The following SPTBN5 variants were observed in gnomAD, a reference collection of about 807,000 sequenced individuals.
SPTBN5 encodes spectrin beta, non-erythrocytic 5, also known as spectrin beta chain, non-erythrocytic 5.
Under a neutral mutation model 477.6 loss-of-function variants are expected in SPTBN5, and 513 were observed. The ratio of observed to expected loss-of-function variants is 1.07; its 90% CI spans 1.00 to 1.16. The LOEUF (loss-of-function observed/expected upper bound fraction) is 1.16, where lower values mean the gene tolerates loss of function less well. Among genes scored for constraint, SPTBN5 ranks in the 50% most tolerant of loss-of-function variants. SPTBN5 has a pLI of 0.00. For missense variants in SPTBN5, 5,062 were observed against 4,731.8 expected (o/e 1.07, Z -2.05); for synonymous variants, 2,169 against 2,011.7 (o/e 1.08, Z -2.09).
At position 41,857,378 on chromosome 15, in the gene SPTBN5, G is replaced by T; in HGVS notation, c.8481C>A (p.Gly2827=). The stretch of plus-strand genomic sequence containing the variant: ...CTGCTGCCTCCAGCTCCCTCTGTGT[G>T]CCCAGGAGCTCGCCCACCCCAGGCA... ...QALPGVGELL[G]TQRELEAAVD... is the part of the protein sequence containing the mutation. The change falls in exon 51 of 68, where the codon GGC becomes GGA. Residue 2827 remains glycine, a synonymous_variant. Coordinates refer to ENST00000320955, the MANE Select transcript of SPTBN5 (RefSeq NM_016642.4). 2 of 1,579,980 alleles carry T rather than the reference G, an allele frequency of 1.3e-6. No individual in the cohort carries two copies. Among genetic ancestry groups the T allele is most frequent in the Non-Finnish European group, 1.7e-6 (2 of 1,163,020 alleles).
At position 41,861,756 on chromosome 15, in the gene SPTBN5, C is replaced by T; in HGVS notation, c.7716G>A (p.Leu2572=). The change falls in exon 45 of 68, where the codon CTG becomes CTA. Residue 2572 remains leucine (L), a synonymous_variant. Transcript: ENST00000320955. ...CTGCCTGTAGCTCCAGGGCCTGCTG[C>T]AGCTGTAGCTGATGCTCCTGCCAGG... is the stretch of plus-strand genomic sequence containing the variant. ...EGAWQEHQLQ[L]QQALELQLFL... is the part of the protein sequence containing the mutation. 2 of 1,549,584 alleles carry T rather than the reference C, an allele frequency of 1.3e-6. No individual in the cohort carries two copies. Among genetic ancestry groups the T allele is most frequent in the Non-Finnish European group, 1.7e-6 (2 of 1,151,364 alleles).
chr15:41,877,018 C>T, intron 18 of SPTBN5, 70 bp from the exon 19 acceptor site: 1 of 1,587,402 alleles, frequency 6.3e-7, no homozygotes, highest in Non-Finnish European at 8.6e-7. Context: ...CGCCACTGCC[C>T]CAGGGGCCTC....
chr15:41,878,297 C>G, intron 17 of SPTBN5, 45 bp downstream of exon 17: 1 of 1,595,594 alleles, frequency 6.3e-7, no homozygotes, highest in East Asian at 2.2e-5. Flanking sequence ...GCCCAGAGCC[C>G]TGGTCCCAGC....
At position 41,886,284 on chromosome 15, in the gene SPTBN5, T is replaced by C. The variant is rs1481240818; in HGVS notation, c.971A>G (p.Glu324Gly). 1.2e-6 allele frequency: 2 copies of C among 1,613,264 alleles called. No individual in the cohort carries two copies. Among genetic ancestry groups the C allele is most frequent in the African/African-American group, 2.7e-5 (2 of 74,960 alleles). The change falls in exon 7 of 68, where the codon GAG becomes GGG. Residue 324 changes from glutamate to glycine, a missense_variant. Physicochemically the swap from Glu to Gly is moderately conservative, Grantham distance 98. Transcript: ENST00000320955. The part of the protein sequence containing the change: ...LVADLLRWIA[E>G]KQMQLEARDF... ...CCGCGCCTCCAGCTGCATCTGCTTC[T>C]CTGCAATCCAGCGTAGAAGGTCAGC... is the stretch of plus-strand genomic sequence containing the variant.
At position 41,893,074 on chromosome 15, in the gene SPTBN5, C is replaced by A; in HGVS notation, c.217-13G>T. 6.2e-7 allele frequency: 1 copy of A among 1,608,866 alleles called. No homozygotes were observed. The highest frequency in any genetic ancestry group is 8.5e-7 in the Non-Finnish European group (1 of 1,179,326). On this transcript the variant is annotated splice_polypyrimidine_tract_variant and intron_variant, in intron 2 of 67. Coordinates refer to ENST00000320955, the MANE Select transcript of SPTBN5 (RefSeq NM_016642.4). ...TCTTGATGCCCGCCTGGGGAGGGGA[C>A]AGGGGTAAGTATGGGGTCAGCCCAG...
chr15:41,861,806 G>C lies in SPTBN5; in HGVS notation c.7666C>G (p.Gln2556Glu), dbSNP rs753623325. 2 of 1,580,076 alleles carry C rather than the reference G, an allele frequency of 1.3e-6. No homozygotes were observed. Among genetic ancestry groups the C allele is most frequent in the Non-Finnish European group, 1.7e-6 (2 of 1,167,194 alleles). ...DIRQVLAGLE[Q>E]ELSSLEGAWQ... ...GCCCCTTCCAGGCTGCTCAGCTCCT[G>C]TTCTAAGCCAGCCAGCACCTGGCGA... Residue 2556 changes from glutamine (Q) to glutamate (E), a missense_variant, in exon 45 of 68, where the codon CAG becomes GAG. Coordinates refer to ENST00000320955, the MANE Select transcript of SPTBN5 (RefSeq NM_016642.4).
Position 41,869,922 on chromosome 15 carries a change from C to G in SPTBN5, c.5772G>C (p.Ala1924=), listed in dbSNP as rs746620022. ...CCATGCGTCGCTGCAGCACTGCCCA[C>G]GCCTGCGTCACAGCTTGCTGCCTCT... The part of the protein sequence containing the change: ...VQQRQQAVTQ[A]WAVLQRRMEQ... The change falls in exon 32 of 68, where the codon GCG becomes GCC. Residue 1924 remains alanine, a synonymous_variant. Coordinates refer to ENST00000320955, the MANE Select transcript of SPTBN5 (RefSeq NM_016642.4). 2.6e-6 allele frequency: 4 copies of G among 1,552,536 alleles called. No homozygotes were observed. The African/African-American group carries it at 5.5e-5, about 21-fold the overall frequency.
At chr15:41,868,623 G>T in intron 32 of SPTBN5, 22 bp from the exon 33 acceptor site, 2 of 1,593,444 alleles carry the variant, frequency 1.3e-6, no homozygotes, top group Non-Finnish European at 1.7e-6. Flanking sequence ...GACACGGAGG[G>T]AGAGCCGGGT....
Position 41,892,884 on chromosome 15 carries a change from T to C in SPTBN5, c.384+10A>G, listed in dbSNP as rs753768676. The C allele has an allele frequency of 6.3e-7, 1 of 1,588,012 alleles. No homozygotes were observed. ...CAGCACCATCCCAGACCCCTTTCCC[T>C]GGGGCCCACCTTGGCCCTGAGGAAG... On this transcript the variant is annotated intron_variant, in intron 3 of 67. Coordinates refer to ENST00000320955, the MANE Select transcript of SPTBN5 (RefSeq NM_016642.4).
In SPTBN5 at chr15:41,874,822, G is replaced by A; in HGVS notation, c.4502+20C>T. The A allele has an allele frequency of 6.3e-7, 1 of 1,590,992 alleles. No individual in the cohort carries two copies. The stretch of plus-strand genomic sequence containing the variant: ...CACATGGAGGAGTGACACACAGGTG[G>A]GTGGGAGGACAGACCCCACCTCCGG... On this transcript the variant is annotated intron_variant, in intron 23 of 67. Transcript: ENST00000320955.
chr15:41,879,265 G>T lies in SPTBN5; in HGVS notation c.3177C>A (p.Val1059=). The T allele has an allele frequency of 1.2e-6, 2 of 1,610,748 alleles. No individual in the cohort carries two copies. Among genetic ancestry groups the T allele is most frequent in the South Asian group, 1.1e-5 (1 of 90,902 alleles). The change falls in exon 16 of 68, where the codon GTC becomes GTA. Residue 1059 remains valine (V), a synonymous_variant. Coordinates refer to ENST00000320955, the MANE Select transcript of SPTBN5 (RefSeq NM_016642.4). ...CACCACTGCGCTGGCCGTACTTTAC[G>T]ACCACACTTTGGAGGAAGTGGACCC... is the stretch of plus-strand genomic sequence containing the variant. ...ERRVHFLQSV[V]VKVEEPGYAE... is the part of the protein sequence containing the mutation.
chr15:41,851,584 T>TG lies in SPTBN5; in HGVS notation c.10656+194dup, dbSNP rs72299487. ...GAGGAGGAATCCCAGCACCTCCTGGTGGGGGTGGGTAGGTGGGGGCGGTGG... is the reference window on the plus strand; with the variant it reads ...GAGGAGGAATCCCAGCACCTCCTGGTGGGGGGTGGGTAGGTGGGGGCGGTGG... On this transcript the variant is annotated intron_variant, in intron 63 of 67. Transcript: ENST00000320955. Among the ~76,000 whole-genome samples, 60 of 124,380 alleles carry TG rather than the reference T, an allele frequency of 4.8e-4. 1 individual carries two copies. The highest frequency in any genetic ancestry group is 7.1e-4 in the Non-Finnish European group (43 of 60,604). 81.6% of individuals were successfully genotyped at this position (124,380 alleles called of 152,430 possible).
chr15:41,869,289 C>A (rs1271084871), intron 32 of SPTBN5, among the ~76,000 whole-genome samples: 2 of 152,194 alleles, frequency 1.3e-5, no homozygotes, highest in Non-Finnish European at 2.9e-5. Context: ...TTTGCAGTGT[C>A]AGTTTGGGCC....
intron 66 of SPTBN5, chr15:41,850,253 T>C (rs920396813): frequency 4.9e-6 from 2 of 409,860 alleles, no homozygotes; most frequent in East Asian, 9.4e-5. Flanking sequence ...TTTGGGCTCC[T>C]GGGAAGACAG....
rs183254189 is a variant in SPTBN5 at position 41,879,908 on chromosome 15, T to C, written c.2812-44A>G. ...CAGCCCTCTTGGGGGACTTTTTCTCTTTCCACACTCCCCTCTAGCCTATGA... is the reference window on the plus strand; with the variant it reads ...CAGCCCTCTTGGGGGACTTTTTCTCCTTCCACACTCCCCTCTAGCCTATGA... On this transcript the variant is annotated intron_variant, in intron 14 of 67. Coordinates refer to ENST00000320955, the MANE Select transcript of SPTBN5 (RefSeq NM_016642.4). 5.0e-5 allele frequency: 81 copies of C among 1,611,292 alleles called. No homozygotes were observed. In the African/African-American group the frequency reaches 9.9e-4, roughly 20 times the overall value.
intron 49 of SPTBN5, among the ~76,000 whole-genome samples, chr15:41,857,963 G>C (rs1016699491): frequency 6.6e-6 from 1 of 152,206 alleles, no homozygotes; most frequent in African/African-American, 2.4e-5. Flanking sequence ...AGCCAGCCTG[G>C]GGTCAGGACC....
At chr15:41,859,285 A>C (rs113109000) in intron 47 of SPTBN5, among the ~76,000 whole-genome samples, 6,444 of 152,108 alleles carry the variant, frequency 0.042, 196 homozygotes, top group Non-Finnish European at 0.048. Context: ...CAGCCTCCCG[A>C]GTAGCTAGGA....
In SPTBN5 at chr15:41,881,948, C is replaced by T. The variant is rs1252518882; in HGVS notation, c.2445G>A (p.Ala815=). The T allele has an allele frequency of 6.5e-7, 1 of 1,528,464 alleles. No individual in the cohort carries two copies. Among genetic ancestry groups the T allele is most frequent in the Non-Finnish European group, 8.7e-7 (1 of 1,146,644 alleles). 94.7% of individuals were successfully genotyped at this position (1,528,464 alleles called of 1,614,324 possible). A position where few individuals can be genotyped will look rare whatever the true frequency, so the allele number is the denominator to read the frequency against. The change falls in exon 12 of 68, where the codon GCG becomes GCA. Residue 815 remains alanine, a synonymous_variant. Coordinates refer to ENST00000320955, the MANE Select transcript of SPTBN5 (RefSeq NM_016642.4). The part of the protein sequence containing the change: ...EEQGRAASAR[A]SLFTVNSALS... ...TCCCCGTCCTCACCGTGAATAACGA[C>T]GCCCGGGCCGAGGCCGCCCGCCCCT...
rs370430853 is a variant in SPTBN5, at chr15:41,875,067, C to G, written c.4288-11G>C. The G allele has an allele frequency of 7.5e-6, 12 of 1,602,884 alleles. No homozygotes were observed. The highest frequency in any genetic ancestry group is 1.7e-5 in the Admixed American group (1 of 59,114). On this transcript the variant is annotated splice_polypyrimidine_tract_variant and intron_variant, in intron 22 of 67. Coordinates refer to ENST00000320955, the MANE Select transcript of SPTBN5 (RefSeq NM_016642.4). Reference sequence around the variant, plus strand: ...CTGCTCCTTTGCATCCTGGGAGGGACGCATGGAGCTGCATTAGGTTCTCTG... The same window carrying G: ...CTGCTCCTTTGCATCCTGGGAGGGAGGCATGGAGCTGCATTAGGTTCTCTG...
Sources: allele counts gnomAD v4.1 joint callset (sites outside exome capture counted in the v4.1 genomes callset), GRCh38; gene constraint gnomAD v4.1.1; transcripts MANE v1.5; gene names NCBI Gene and HGNC (gene_info 2026-07-23, HGNC 2026-07-21).